ATP2B2: variants seen among roughly 807,000 people sequenced by gnomAD.
ATP2B2 encodes plasma membrane calcium-transporting ATPase 2.
In ATP2B2, 15 loss-of-function variants were observed where a neutral mutation model predicts 120.0. The ratio of observed to expected loss-of-function variants is 0.12; its 90% CI spans 0.08 to 0.19. The LOEUF is 0.19. Among genes scored for constraint, ATP2B2 ranks in the 10% least tolerant of loss-of-function variants. The probability of loss-of-function intolerance (pLI) is 1.00; values close to 1 mark genes in which losing one functional copy is unlikely to be tolerated. For synonymous variants in ATP2B2, 694 were observed against 700.3 expected, an observed-to-expected ratio of 0.99 and a Z score of 0.14; for missense variants, 1,045 against 1,719.8, an observed-to-expected ratio of 0.61 and a Z score of 6.94.
chr3:10,563,028 T>G (rs2067936896), intron 2 of ATP2B2, among the ~76,000 whole-genome samples: 1 of 152,212 alleles, frequency 6.6e-6, no homozygotes, highest in Non-Finnish European at 1.5e-5. Flanking sequence ...CCTAGTTAAT[T>G]TCTTTTCAAC....
intron 2 of ATP2B2, among the ~76,000 whole-genome samples, chr3:10,414,356 C>T (rs1559307418): frequency 1.3e-5 from 2 of 152,172 alleles, no homozygotes; most frequent in Non-Finnish European, 1.5e-5. Context: ...ACAGGCCAGG[C>T]ATTGAGATCC....
At chr3:10,579,867 G>A (rs1417153215) in intron 2 of ATP2B2, among the ~76,000 whole-genome samples, 1 of 116,024 alleles carries the variant, frequency 8.6e-6, no homozygotes, top group Non-Finnish European at 2.0e-5. Context: ...CCCAGAAGGT[G>A]GGCCTCAAAG....
chr3:10,607,144 C>T (rs187709326), intron 2 of ATP2B2, among the ~76,000 whole-genome samples: 7 of 152,208 alleles, frequency 4.6e-5, no homozygotes, highest in Admixed American at 2.6e-4. Context: ...ACTGGCTTGG[C>T]GGTCGGCAGG....
At chr3:10,613,684 C>T (rs2069302596) in intron 2 of ATP2B2, among the ~76,000 whole-genome samples, 1 of 152,046 alleles carries the variant, frequency 6.6e-6, no homozygotes. Context: ...ACTGTCCTGG[C>T]CCGGCTGCCA....
intron 22 of ATP2B2, among the ~76,000 whole-genome samples, chr3:10,337,051 G>C (rs545876630): frequency 6.6e-6 from 1 of 152,170 alleles, no homozygotes; most frequent in Non-Finnish European, 1.5e-5. Context: ...GCCCAGGCCC[G>C]TGTCAGGCAC....
chr3:10,670,149 C>T (rs761266007), intron 1 of ATP2B2, among the ~76,000 whole-genome samples: 7 of 152,168 alleles, frequency 4.6e-5, no homozygotes, highest in Non-Finnish European at 7.3e-5. Context: ...AATTAGGTTG[C>T]GTTAAGAGAG....
chr3:10,505,002 T>C (rs1325455890), intron 1 of ATP2B2, among the ~76,000 whole-genome samples: 1 of 152,188 alleles, frequency 6.6e-6, no homozygotes, highest in Non-Finnish European at 1.5e-5. Context: ...TTCCTGGGAC[T>C]CTGACCAGGG....
chr3:10,597,432 G>A (rs1208495923), intron 2 of ATP2B2, among the ~76,000 whole-genome samples: 2 of 152,124 alleles, frequency 1.3e-5, no homozygotes, highest in African/African-American at 2.4e-5. Flanking sequence ...ACTTCCATCG[G>A]CCCCTTCTAC....
chr3:10,379,169 C>T, intron 9 of ATP2B2, 74 bp downstream of exon 9: 1 of 1,527,800 alleles, frequency 6.5e-7, no homozygotes, highest in South Asian at 1.1e-5. Context: ...CAGTCTCTGT[C>T]TCTGGTGTGA....
At chr3:10,463,350 T>C (rs2064581117) in intron 1 of ATP2B2, among the ~76,000 whole-genome samples, 1 of 152,080 alleles carries the variant, frequency 6.6e-6, no homozygotes, top group East Asian at 1.9e-4. Flanking sequence ...TGGAATGACA[T>C]GGGAAGCGAG....
At chr3:10,482,088 T>A (rs2065437356) in intron 1 of ATP2B2, among the ~76,000 whole-genome samples, 1 of 152,148 alleles carries the variant, frequency 6.6e-6, no homozygotes, top group African/African-American at 2.4e-5. Flanking sequence ...CTGCTTTCAT[T>A]TGCTGTAAAA....
intron 1 of ATP2B2, among the ~76,000 whole-genome samples, chr3:10,659,950 A>C (rs1426131088): frequency 6.6e-6 from 1 of 152,184 alleles, no homozygotes; most frequent in Non-Finnish European, 1.5e-5. Context: ...AACTCACTCA[A>C]AACTGCTCAA....
intron 6 of ATP2B2, among the ~76,000 whole-genome samples, chr3:10,387,646 G>A (rs2061719039): frequency 6.6e-6 from 1 of 152,304 alleles, no homozygotes; most frequent in South Asian, 2.1e-4. Context: ...CCTCTGTTCT[G>A]AGAGACAGTT....
At chr3:10,533,120 C>T (rs1242791672) in intron 3 of ATP2B2, among the ~76,000 whole-genome samples, 2 of 152,092 alleles carry the variant, frequency 1.3e-5, no homozygotes, top group East Asian at 1.9e-4. Flanking sequence ...TTGTATATCA[C>T]CCTAATGTAA....
chr3:10,420,759 G>A (rs865778584), intron 2 of ATP2B2, among the ~76,000 whole-genome samples: 2 of 152,244 alleles, frequency 1.3e-5, no homozygotes, highest in African/African-American at 2.4e-5. Context: ...ACATGGGAAG[G>A]CCTTGACTAA....
chr3:10,476,468 G>A (rs964464525), intron 1 of ATP2B2, among the ~76,000 whole-genome samples: 2 of 152,230 alleles, frequency 1.3e-5, no homozygotes, highest in Admixed American at 6.5e-5. Context: ...TGGGAACAAC[G>A]GGTGCGTGGG....
intron 1 of ATP2B2, among the ~76,000 whole-genome samples, chr3:10,497,446 C>T (rs1338966114): frequency 6.6e-6 from 1 of 152,190 alleles, no homozygotes; most frequent in East Asian, 1.9e-4. Flanking sequence ...TTTTATTGAG[C>T]CTAGTGTTTA....
At chr3:10,468,298 G>T (rs1022558417) in intron 1 of ATP2B2, among the ~76,000 whole-genome samples, 2 of 152,242 alleles carry the variant, frequency 1.3e-5, no homozygotes, top group African/African-American at 4.8e-5. Flanking sequence ...GCACAGTACA[G>T]GGGCCATGGC....
chr3:10,501,754 G>C (rs7614761), intron 1 of ATP2B2, among the ~76,000 whole-genome samples: 152,244 of 152,256 alleles, frequency 1, 76,116 homozygotes, highest in Middle Eastern at 1. Context: ...CACCCACTAG[G>C]CTGGAGACCT....
Sources: gnomAD v4.1 joint callset for allele counts (sites outside exome capture counted in the v4.1 genomes callset) on GRCh38, gnomAD v4.1.1 for gene constraint, MANE v1.5 for transcripts, NCBI Gene and HGNC (gene_info 2026-07-23, HGNC 2026-07-21) for gene names.